Variants in SLC16A12 observed in about 807,000 individuals in gnomAD.
SLC16A12 encodes the protein monocarboxylate transporter 12.
A neutral mutation model predicts 42.4 loss-of-function variants in SLC16A12; 17 were observed. That is an observed-to-expected ratio of 0.40 (90% CI 0.27 to 0.60). The LOEUF (loss-of-function observed/expected upper bound fraction) is 0.60, where lower values mean the gene tolerates loss of function less well. SLC16A12 is among the 20% of genes least tolerant of loss of function. SLC16A12 has a pLI of 0.42. For missense variants in SLC16A12, 544 were observed against 623.0 expected, an observed-to-expected ratio of 0.87 and a Z score of 1.35; for synonymous variants, 224 against 229.4, an observed-to-expected ratio of 0.98 and a Z score of 0.21.
intron 2 of SLC16A12, among the ~76,000 whole-genome samples, chr10:89,497,956 C>A (rs894111053): frequency 6.6e-6 from 1 of 152,118 alleles, no homozygotes; most frequent in Non-Finnish European, 1.5e-5. Flanking sequence ...ATTTTATCTA[C>A]GTCTGTACTA....
chr10:89,556,353 A>G (rs1302976284), intron 1 of SLC16A12, among the ~76,000 whole-genome samples: 2 of 152,188 alleles, frequency 1.3e-5, no homozygotes, highest in African/African-American at 2.4e-5. Flanking sequence ...ATTATTATAC[A>G]TATCTCTATC....
At chr10:89,536,541 G>A (rs1011655522), upstream of SLC16A12, among the ~76,000 whole-genome samples, 7 of 151,800 alleles carry the variant, frequency 4.6e-5, no homozygotes, top group African/African-American at 1.7e-4. Flanking sequence ...GCCTGAAAAG[G>A]GAGCTGCCAG....
At chr10:89,534,364 G>C (rs1214230033) in intron 2 of SLC16A12, 137 bp downstream of exon 2, 1 of 152,180 alleles carries the variant, frequency 6.6e-6, no homozygotes, top group Non-Finnish European at 1.5e-5. Flanking sequence ...GAATTTGAAA[G>C]GCCGGAAGAT....
At position 89,446,310 on chromosome 10, in the gene SLC16A12, T is replaced by A. The variant is rs1455016963; in HGVS notation, c.201-2451A>T. On this transcript the variant is annotated intron_variant, in intron 3 of 7. Coordinates refer to ENST00000371790, the MANE Select transcript of SLC16A12 (RefSeq NM_213606.4). Reference sequence around the variant, plus strand: ...AACCCCAAGACACATAATTATCAGATTCACCAATGTTGAAATGAAGGAAAA... The same window carrying A: ...AACCCCAAGACACATAATTATCAGAATCACCAATGTTGAAATGAAGGAAAA... Among the ~76,000 whole-genome samples, 2 of 152,034 alleles carry A rather than the reference T, an allele frequency of 1.3e-5. 1 individual carries two copies. Among genetic ancestry groups the A allele is most frequent in the South Asian group, 4.1e-4 (2 of 4,820 alleles).
chr10:89,485,981 T>A (rs998779131), intron 2 of SLC16A12, among the ~76,000 whole-genome samples: 5 of 152,244 alleles, frequency 3.3e-5, no homozygotes, highest in Non-Finnish European at 4.4e-5. Flanking sequence ...TAAGCCATCA[T>A]GACAGAGTGG....
intron 2 of SLC16A12, among the ~76,000 whole-genome samples, chr10:89,521,569 C>T (rs906360846): frequency 2.0e-5 from 3 of 152,162 alleles, no homozygotes; most frequent in Non-Finnish European, 4.4e-5. Flanking sequence ...CTGAAGCTTC[C>T]GGCCCCTCTC....
At chr10:89,555,573 G>A (rs1341329524) in intron 2 of SLC16A12, among the ~76,000 whole-genome samples, 1 of 105,910 alleles carries the variant, frequency 9.4e-6, no homozygotes, top group Non-Finnish European at 1.9e-5. Context: ...ATACGTATAT[G>A]TATATGTATA....
intron 2 of SLC16A12, among the ~76,000 whole-genome samples, chr10:89,496,564 C>T (rs951428571): frequency 6.6e-6 from 1 of 152,088 alleles, no homozygotes; most frequent in Non-Finnish European, 1.5e-5. Context: ...CACATTTGAG[C>T]GTCCAATGAA....
At chr10:89,545,241 A>G (rs936313777) in intron 2 of SLC16A12, among the ~76,000 whole-genome samples, 19 of 152,214 alleles carry the variant, frequency 1.2e-4, no homozygotes, top group African/African-American at 4.3e-4. Context: ...ACACTCATGC[A>G]CAAACAAAAA....
At chr10:89,473,484 T>C (rs1386595220) in intron 2 of SLC16A12, among the ~76,000 whole-genome samples, 1 of 152,190 alleles carries the variant, frequency 6.6e-6, no homozygotes, top group Non-Finnish European at 1.5e-5. Flanking sequence ...AAAATCTTTA[T>C]AACTTGGGAA....
intron 2 of SLC16A12, among the ~76,000 whole-genome samples, chr10:89,472,272 G>T (rs1273484511): frequency 2.8e-4 from 39 of 139,646 alleles, no homozygotes. Context: ...CACAACATGT[G>T]CATTATTTTT....
chr10:89,435,345 C>T (rs1396983270), intron 7 of SLC16A12, among the ~76,000 whole-genome samples: 2 of 152,164 alleles, frequency 1.3e-5, no homozygotes, highest in East Asian at 3.8e-4. Flanking sequence ...CTAAGTCATC[C>T]TTGACTTCTT....
At chr10:89,531,227 TAAA>T (rs75288911) in intron 2 of SLC16A12, among the ~76,000 whole-genome samples, 1 of 141,938 alleles carries the variant, frequency 7.0e-6, no homozygotes, top group African/African-American at 2.6e-5. Context: ...CTGTCTCTAC[TAAA>T]AAAAAAAAAA....
chr10:89,513,422 A>G lies in SLC16A12; in HGVS notation c.-47+21079T>C, dbSNP rs1301475463. On this transcript the variant is annotated intron_variant, in intron 2 of 7. Coordinates refer to ENST00000371790, the MANE Select transcript of SLC16A12 (RefSeq NM_213606.4). ...CATGTGACATATCAGGTCACACTGC[A>G]TTCCTGATGGTTCTTCCTTTGGACT... Among the ~76,000 whole-genome samples, 4 of 152,200 alleles carry G rather than the reference A, an allele frequency of 2.6e-5. No individual in the cohort carries two copies. In the East Asian group the frequency reaches 5.8e-4, roughly 22 times the overall value.
At chr10:89,533,057 T>C (rs1843583920) in intron 2 of SLC16A12, among the ~76,000 whole-genome samples, 1 of 152,292 alleles carries the variant, frequency 6.6e-6, no homozygotes, top group East Asian at 1.9e-4. Context: ...GAACATATAT[T>C]AAATAACCAA....
chr10:89,452,886 G>A (rs750122143), intron 3 of SLC16A12, among the ~76,000 whole-genome samples: 17 of 152,140 alleles, frequency 1.1e-4, no homozygotes, highest in Non-Finnish European at 2.1e-4. Context: ...CCCCCTCTAC[G>A]CCCAGGGGTC....
chr10:89,536,984 C>A (rs1428912227), upstream of SLC16A12, among the ~76,000 whole-genome samples: 1 of 151,576 alleles, frequency 6.6e-6, no homozygotes, highest in African/African-American at 2.4e-5. Flanking sequence ...ATTACGGGCG[C>A]GTGCCACCAC....
chr10:89,515,597 A>G (rs79094508), intron 2 of SLC16A12, among the ~76,000 whole-genome samples: 8,603 of 152,208 alleles, frequency 0.057, 502 homozygotes, highest in African/African-American at 0.15. Context: ...CAAGAAGCTC[A>G]AGAAAAGGCA....
chr10:89,545,165 G>A (rs1843735772), intron 2 of SLC16A12, among the ~76,000 whole-genome samples: 1 of 152,148 alleles, frequency 6.6e-6, no homozygotes, highest in African/African-American at 2.4e-5. Context: ...CCCTCAGCAG[G>A]CTGCAGGTGC....
Sources: allele counts gnomAD v4.1 joint callset (sites outside exome capture counted in the v4.1 genomes callset), GRCh38; gene constraint gnomAD v4.1.1; transcripts MANE v1.5; gene names NCBI Gene and HGNC (gene_info 2026-07-23, HGNC 2026-07-21).